Variants in ATAD2B observed in about 807,000 individuals in gnomAD.
ATAD2B encodes the protein ATPase family AAA domain containing 2B.
In ATAD2B, 40 loss-of-function variants were observed where a neutral mutation model predicts 167.6. The observed-to-expected ratio is 0.24, with a 90% CI of 0.19 to 0.31. The LOEUF is 0.31. ATAD2B is among the 10% of genes least tolerant of loss of function. The pLI is 1.00. For synonymous variants in ATAD2B, 579 were observed against 596.5 expected, an observed-to-expected ratio of 0.97 and a Z score of 0.43; for missense variants, 1,242 against 1,757.2, an observed-to-expected ratio of 0.71 and a Z score of 5.24.
chr2:23,850,302 A>T (rs1692365301), intron 13 of ATAD2B, among the ~76,000 whole-genome samples: 1 of 152,176 alleles, frequency 6.6e-6, no homozygotes, highest in Non-Finnish European at 1.5e-5. Flanking sequence ...GTCAAAGAAA[A>T]AATGACAAGA....
At chr2:23,917,087 T>A (rs1199413176) in intron 1 of ATAD2B, among the ~76,000 whole-genome samples, 1 of 152,266 alleles carries the variant, frequency 6.6e-6, no homozygotes, top group Non-Finnish European at 1.5e-5. Flanking sequence ...CCTGGACTTC[T>A]ATGATTTTGC....
At chr2:23,794,956 G>C (rs1178674801) in intron 19 of ATAD2B, among the ~76,000 whole-genome samples, 2 of 152,120 alleles carry the variant, frequency 1.3e-5, no homozygotes, top group Non-Finnish European at 2.9e-5. Flanking sequence ...AGAGACACAA[G>C]AGAATGTCAA....
At chr2:23,753,409 T>C (rs941552027) in intron 27 of ATAD2B, among the ~76,000 whole-genome samples, 5 of 152,120 alleles carry the variant, frequency 3.3e-5, no homozygotes, top group Non-Finnish European at 7.4e-5. Context: ...AAACATTTAA[T>C]AGATAGACCA....
At chr2:23,823,983 T>A (rs1216557720) in intron 15 of ATAD2B, among the ~76,000 whole-genome samples, 2 of 152,232 alleles carry the variant, frequency 1.3e-5, no homozygotes, top group Non-Finnish European at 2.9e-5. Flanking sequence ...TCTCACTCTG[T>A]TGCCCAGCCA....
chr2:23,690,114 CCT>C, the ATAD2B span: 1 of 152,414 alleles, frequency 6.6e-6, no homozygotes, highest in East Asian at 1.9e-4. Flanking sequence ...TGCACCTCCC[CCT>C]CTCCTCCTGG....
At chr2:23,728,954 A>G in the ATAD2B span, among the ~76,000 whole-genome samples, 2 of 152,174 alleles carry the variant, frequency 1.3e-5, no homozygotes, top group African/African-American at 4.8e-5. Context: ...GCCTCAGGAA[A>G]CTTACAATCA....
intron 12 of ATAD2B, among the ~76,000 whole-genome samples, chr2:23,857,855 C>A (rs1204426141): frequency 6.6e-6 from 1 of 151,094 alleles, no homozygotes; most frequent in Non-Finnish European, 1.5e-5. Context: ...CATTCTCCTG[C>A]CTCAGCCTCC....
At chr2:23,881,991 G>A (rs538232556) in intron 6 of ATAD2B, among the ~76,000 whole-genome samples, 2 of 152,282 alleles carry the variant, frequency 1.3e-5, no homozygotes, top group Admixed American at 1.3e-4. Flanking sequence ...CCAAAGTGCT[G>A]GGATTACAGG....
At chr2:23,832,251 T>G (rs1689174372) in intron 14 of ATAD2B, 1 of 469,152 alleles carries the variant, frequency 2.1e-6, no homozygotes, top group Admixed American at 2.4e-5. Context: ...TAATCTCATC[T>G]AGTCTCGGGA....
chr2:23,704,397 GC>G, the ATAD2B span, among the ~76,000 whole-genome samples: 2 of 152,174 alleles, frequency 1.3e-5, no homozygotes, highest in East Asian at 3.9e-4. Context: ...AGGCTTTCTG[GC>G]CCTGTGGCAG....
At chr2:23,882,351 A>G (rs1698041728) in intron 6 of ATAD2B, among the ~76,000 whole-genome samples, 1 of 151,818 alleles carries the variant, frequency 6.6e-6, no homozygotes, top group East Asian at 1.9e-4. Flanking sequence ...GTGCACCACA[A>G]TGCCCGGCTA....
At chr2:23,772,774 A>T (rs1678535332) in intron 22 of ATAD2B, among the ~76,000 whole-genome samples, 1 of 152,232 alleles carries the variant, frequency 6.6e-6, no homozygotes, top group Admixed American at 6.5e-5. Context: ...TCTGTCACCC[A>T]AGCTAGAGTG....
chr2:23,921,042 TA>T (rs1385749711), intron 1 of ATAD2B, among the ~76,000 whole-genome samples: 1 of 151,372 alleles, frequency 6.6e-6, no homozygotes. Flanking sequence ...CTGTCTCTAC[TA>T]AAAAATACAA....
At chr2:23,858,040 G>T (rs1412308936) in intron 12 of ATAD2B, among the ~76,000 whole-genome samples, 1 of 151,752 alleles carries the variant, frequency 6.6e-6, no homozygotes, top group East Asian at 1.9e-4. Context: ...ACCACACCCG[G>T]CCACCAAAGA....
At chr2:23,678,405 TTCAC>T in the ATAD2B span, among the ~76,000 whole-genome samples, 1 of 152,162 alleles carries the variant, frequency 6.6e-6, no homozygotes, top group Non-Finnish European at 1.5e-5. Flanking sequence ...TTTGCTCACT[TTCAC>T]TCACTCTCCG....
chr2:23,867,092 A>C (rs2150069837), intron 10 of ATAD2B, among the ~76,000 whole-genome samples: 1 of 152,280 alleles, frequency 6.6e-6, no homozygotes, highest in South Asian at 2.1e-4. Context: ...GCCAAACCTA[A>C]ATAACCCATT....
chr2:23,869,982 G>C (rs1378525983), intron 8 of ATAD2B, among the ~76,000 whole-genome samples: 1 of 152,022 alleles, frequency 6.6e-6, no homozygotes, highest in East Asian at 1.9e-4. Flanking sequence ...AGTCAAGGTG[G>C]GTGGATCATG....
intron 17 of ATAD2B, among the ~76,000 whole-genome samples, chr2:23,812,414 C>T (rs887237724): frequency 7.2e-5 from 11 of 151,790 alleles, no homozygotes; most frequent in Non-Finnish European, 7.4e-5. Flanking sequence ...TACATAAAGA[C>T]GTCAATTCTT....
intron 4 of ATAD2B, among the ~76,000 whole-genome samples, chr2:23,886,855 G>A (rs1698736153): frequency 1.3e-5 from 2 of 151,648 alleles, no homozygotes; most frequent in Admixed American, 6.6e-5. Flanking sequence ...GGCATGAACT[G>A]AGGAGGCAGA....
Sources: allele counts gnomAD v4.1 joint callset (sites outside exome capture counted in the v4.1 genomes callset), GRCh38; gene constraint gnomAD v4.1.1; transcripts MANE v1.5; gene names NCBI Gene and HGNC (gene_info 2026-07-23, HGNC 2026-07-21).